The following WASF3 variants were observed in gnomAD, a reference collection of about 807,000 sequenced individuals.
The protein encoded by WASF3 is WASP family member 3, also known as actin-binding protein WASF3.
Under a neutral mutation model 46.6 loss-of-function variants are expected in WASF3, and 11 were observed. The observed-to-expected ratio is 0.24, with a 90% CI of 0.15 to 0.39. The LOEUF is 0.39. Ranked by LOEUF, WASF3 falls within the 10% of genes least tolerant of loss-of-function variation. WASF3 has a pLI of 1.00. For missense variants in WASF3, 576 were observed against 669.8 expected (o/e 0.86, Z 1.55); for synonymous variants, 242 against 259.7 (o/e 0.93, Z 0.65).
chr13:26,617,638 T>G (rs1291953748), intron 2 of WASF3, among the ~76,000 whole-genome samples: 1 of 152,180 alleles, frequency 6.6e-6, no homozygotes, highest in African/African-American at 2.4e-5. Context: ...CCCTATACAA[T>G]GGAAATATTA....
chr13:26,543,511 G>T, the WASF3 span, among the ~76,000 whole-genome samples: 1 of 152,112 alleles, frequency 6.6e-6, no homozygotes, highest in Non-Finnish European at 1.5e-5. Flanking sequence ...GAGAGTAATA[G>T]ATCAATGTTC....
intron 1 of WASF3, among the ~76,000 whole-genome samples, chr13:26,586,174 C>T (rs1411893596): frequency 6.6e-6 from 1 of 151,850 alleles, no homozygotes; most frequent in African/African-American, 2.4e-5. Flanking sequence ...TTAATATTTG[C>T]CCTTTATTGT....
At chr13:26,659,321 A>T (rs1882555797) in intron 3 of WASF3, among the ~76,000 whole-genome samples, 1 of 152,216 alleles carries the variant, frequency 6.6e-6, no homozygotes, top group Admixed American at 6.5e-5. Flanking sequence ...GGTATGTCTG[A>T]GAAACAGTGA....
intron 1 of WASF3, among the ~76,000 whole-genome samples, chr13:26,576,416 C>T (rs1487607353): frequency 6.6e-6 from 1 of 152,056 alleles, no homozygotes; most frequent in African/African-American, 2.4e-5. Flanking sequence ...ATTGTTGCAT[C>T]ATACAGTAGT....
intron 1 of WASF3, among the ~76,000 whole-genome samples, chr13:26,586,148 AT>A (rs1243485175): frequency 5.3e-5 from 8 of 152,080 alleles, no homozygotes; most frequent in Non-Finnish European, 1.0e-4. Flanking sequence ...GTAATATTTG[AT>A]TTTTTTCAAG....
At chr13:26,658,270 T>G (rs764468266) in intron 3 of WASF3, among the ~76,000 whole-genome samples, 1 of 152,160 alleles carries the variant, frequency 6.6e-6, no homozygotes, top group Non-Finnish European at 1.5e-5. Context: ...AAACTATGAA[T>G]GGTCAAGCAG....
At chr13:26,601,665 T>A (rs1341022183) in intron 1 of WASF3, among the ~76,000 whole-genome samples, 1 of 152,250 alleles carries the variant, frequency 6.6e-6, no homozygotes, top group Non-Finnish European at 1.5e-5. Flanking sequence ...ATCAACTGTT[T>A]GGAATATCTA....
chr13:26,557,888 G>A (rs1879147980), intron 1 of WASF3, 69 bp downstream of exon 1: 2 of 291,546 alleles, frequency 6.9e-6, no homozygotes, highest in South Asian at 2.9e-4. Flanking sequence ...CTCCGGGCCG[G>A]GCGGCTGTCG....
chr13:26,648,198 T>C (rs1026060837), intron 3 of WASF3, among the ~76,000 whole-genome samples: 1 of 152,206 alleles, frequency 6.6e-6, no homozygotes, highest in Non-Finnish European at 1.5e-5. Context: ...TCGTCATAAA[T>C]GGCCCAAAAT....
intron 1 of WASF3, among the ~76,000 whole-genome samples, chr13:26,597,566 T>A (rs1292992328): frequency 2.0e-5 from 3 of 152,224 alleles, no homozygotes; most frequent in Non-Finnish European, 4.4e-5. Flanking sequence ...TGTGCCATGT[T>A]GGTGTGCTGC....
the WASF3 span, among the ~76,000 whole-genome samples, chr13:26,539,154 T>C: frequency 6.6e-6 from 1 of 152,202 alleles, no homozygotes; most frequent in African/African-American, 2.4e-5. Flanking sequence ...GATAGTGGCT[T>C]GCTGGGGCTG....
chr13:26,580,949 A>G (rs1226947741), intron 1 of WASF3, among the ~76,000 whole-genome samples: 1 of 59,834 alleles, frequency 1.7e-5, no homozygotes, highest in Non-Finnish European at 3.5e-5. Context: ...TTTTTTTTTT[A>G]AGGCAAGGTC....
At chr13:26,539,443 T>C in the WASF3 span, among the ~76,000 whole-genome samples, 1 of 152,188 alleles carries the variant, frequency 6.6e-6, no homozygotes, top group East Asian at 1.9e-4. Context: ...AGAATTAGTA[T>C]GCTACTCCTT....
At chr13:26,669,098 A>G (rs1882853297) in intron 5 of WASF3, among the ~76,000 whole-genome samples, 1 of 151,652 alleles carries the variant, frequency 6.6e-6, no homozygotes, top group Non-Finnish European at 1.5e-5. Flanking sequence ...AAATATTTGT[A>G]GTGATTTATA....
At chr13:26,562,662 T>C (rs1404986330) in intron 1 of WASF3, among the ~76,000 whole-genome samples, 1 of 151,990 alleles carries the variant, frequency 6.6e-6, no homozygotes, top group Non-Finnish European at 1.5e-5. Context: ...AGAGTTTCCA[T>C]TGGAGTTAGC....
chr13:26,563,767 TCTC>T (rs202112596), intron 1 of WASF3, among the ~76,000 whole-genome samples: 2,362 of 151,448 alleles, frequency 0.016, 26 homozygotes, highest in Middle Eastern at 0.027. Context: ...ATGTGCCTCT[TCTC>T]TGGGAGATTA....
chr13:26,599,591 C>T (rs962558488), intron 1 of WASF3, among the ~76,000 whole-genome samples: 1 of 152,242 alleles, frequency 6.6e-6, no homozygotes, highest in Non-Finnish European at 1.5e-5. Flanking sequence ...CCTGGAGATT[C>T]TAATCTATCA....
At chr13:26,584,688 T>A (rs1043345979) in intron 1 of WASF3, among the ~76,000 whole-genome samples, 1 of 152,222 alleles carries the variant, frequency 6.6e-6, no homozygotes. Context: ...TTCCTCAGTT[T>A]TATGTTCAGT....
chr13:26,598,151 C>G (rs1407621062), intron 1 of WASF3, among the ~76,000 whole-genome samples: 1 of 152,122 alleles, frequency 6.6e-6, no homozygotes, highest in Non-Finnish European at 1.5e-5. Flanking sequence ...TTCTAATGAT[C>G]GCCATTCTAA....
Sources: gnomAD v4.1 joint callset for allele counts (sites outside exome capture counted in the v4.1 genomes callset) on GRCh38, gnomAD v4.1.1 for gene constraint, MANE v1.5 for transcripts, NCBI Gene and HGNC (gene_info 2026-07-23, HGNC 2026-07-21) for gene names.